The following SLC38A12 variants were observed in gnomAD, a reference collection of about 807,000 sequenced individuals.
SLC38A12 encodes the protein putative sodium-coupled neutral amino acid transporter 12.
At chr17:74,797,285 G>C in the SLC38A12 span, among the ~76,000 whole-genome samples, 1 of 152,118 alleles carries the variant, frequency 6.6e-6, no homozygotes, top group Non-Finnish European at 1.5e-5. Context: ...CTCTCTGACC[G>C]AACAGAAGGA....
chr17:74,801,160 C>T, the SLC38A12 span, among the ~76,000 whole-genome samples: 1 of 152,224 alleles, frequency 6.6e-6, no homozygotes, highest in East Asian at 1.9e-4. Flanking sequence ...GGAAGCCCAT[C>T]TTCTCTCCTT....
the SLC38A12 span, among the ~76,000 whole-genome samples, chr17:74,784,408 C>G: frequency 6.6e-6 from 1 of 152,106 alleles, no homozygotes; most frequent in Non-Finnish European, 1.5e-5. Flanking sequence ...GAACTGTGAT[C>G]TGGAGGGGAA....
At chr17:74,832,604 C>T in the SLC38A12 span, among the ~76,000 whole-genome samples, 1 of 152,258 alleles carries the variant, frequency 6.6e-6, no homozygotes, top group African/African-American at 2.4e-5. Flanking sequence ...AATGACCCAC[C>T]TCTGCTGGGT....
chr17:74,832,540 C>T, the SLC38A12 span, among the ~76,000 whole-genome samples: 1 of 152,246 alleles, frequency 6.6e-6, no homozygotes, highest in Non-Finnish European at 1.5e-5. Context: ...CCATGGCGGC[C>T]TCTCCCCCTC....
the SLC38A12 span, chr17:74,777,218 C>A: frequency 1.6e-6 from 2 of 1,253,674 alleles, no homozygotes; most frequent in South Asian, 2.4e-5. Context: ...CCTCCCACCC[C>A]TGTCTCAGTC....
At chr17:74,805,451 G>T in the SLC38A12 span, among the ~76,000 whole-genome samples, 2 of 152,300 alleles carry the variant, frequency 1.3e-5, no homozygotes, top group South Asian at 4.1e-4. This position sits in a 1 kb window ranked among gnomAD's most constrained non-coding sequence, Gnocchi z 5.0. Context: ...GAAGCTGCTG[G>T]TTGGGGGCTC....
At chr17:74,789,817 C>T in the SLC38A12 span, among the ~76,000 whole-genome samples, 2 of 145,468 alleles carry the variant, frequency 1.4e-5, no homozygotes, top group South Asian at 4.4e-4. Context: ...TGCACTCCAG[C>T]CCAGGCAACA....
At chr17:74,806,669 G>T in the SLC38A12 span, among the ~76,000 whole-genome samples, 1 of 152,078 alleles carries the variant, frequency 6.6e-6, no homozygotes, top group African/African-American at 2.4e-5. Context: ...TCTAGAGCCT[G>T]CCCTAGAAAG....
At chr17:74,813,158 A>G in the SLC38A12 span, among the ~76,000 whole-genome samples, 1 of 152,196 alleles carries the variant, frequency 6.6e-6, no homozygotes, top group African/African-American at 2.4e-5. Context: ...CAGGATGAGA[A>G]CAAAAGCGTC....
the SLC38A12 span, among the ~76,000 whole-genome samples, chr17:74,805,299 G>A: frequency 2.9e-4 from 44 of 152,360 alleles, no homozygotes; most frequent in African/African-American, 9.1e-4. The surrounding 1 kb of genome is among the most constrained non-coding windows in gnomAD (Gnocchi z 5.0). Flanking sequence ...GCCACATCCT[G>A]GAGTCCACAC....
the SLC38A12 span, among the ~76,000 whole-genome samples, chr17:74,803,940 T>G: frequency 6.6e-6 from 1 of 152,346 alleles, no homozygotes; most frequent in African/African-American, 2.4e-5. Flanking sequence ...AATAAAAGTG[T>G]CAAAAAACTC....
chr17:74,838,267 C>T, the SLC38A12 span: 4 of 985,794 alleles, frequency 4.1e-6, no homozygotes, highest in Non-Finnish European at 4.8e-6. Context: ...AACAAATGCC[C>T]CTTCTCCATC....
the SLC38A12 span, among the ~76,000 whole-genome samples, chr17:74,829,088 A>G: frequency 6.6e-6 from 1 of 152,360 alleles, no homozygotes; most frequent in African/African-American, 2.4e-5. The surrounding 1 kb of genome is among the most constrained non-coding windows in gnomAD (Gnocchi z 4.1). Flanking sequence ...GAAAAAAATG[A>G]CAAGTGGGAT....
At chr17:74,780,918 T>C in the SLC38A12 span, among the ~76,000 whole-genome samples, 3 of 152,254 alleles carry the variant, frequency 2.0e-5, no homozygotes, top group Non-Finnish European at 4.4e-5. Context: ...CCTAAGTTTC[T>C]TTTGGGAGCA....
the SLC38A12 span, among the ~76,000 whole-genome samples, chr17:74,825,749 G>A: frequency 1.3e-5 from 2 of 152,250 alleles, no homozygotes; most frequent in Non-Finnish European, 2.9e-5. Context: ...ACTCGTGGTT[G>A]TGGGTCGAGT....
chr17:74,821,053 CAG>C, the SLC38A12 span, among the ~76,000 whole-genome samples: 4 of 152,202 alleles, frequency 2.6e-5, no homozygotes, highest in Non-Finnish European at 5.9e-5. Context: ...CTGTACAGCA[CAG>C]GGGACAGGGT....
At chr17:74,835,294 C>T in the SLC38A12 span, among the ~76,000 whole-genome samples, 1 of 152,212 alleles carries the variant, frequency 6.6e-6, no homozygotes, top group Non-Finnish European at 1.5e-5. Context: ...TATTTCTGCC[C>T]TGGCGTGACC....
chr17:74,807,681 G>A, the SLC38A12 span, among the ~76,000 whole-genome samples: 3 of 152,356 alleles, frequency 2.0e-5, no homozygotes, highest in South Asian at 2.1e-4. Flanking sequence ...GTCCACTGCC[G>A]TGAAGTCACA....
chr17:74,802,232 T>C, the SLC38A12 span, among the ~76,000 whole-genome samples: 1 of 152,196 alleles, frequency 6.6e-6, no homozygotes, highest in Non-Finnish European at 1.5e-5. Context: ...TTGACTGGCA[T>C]TATGCCCACC....
Sources: gnomAD v4.1 joint callset for allele counts (sites outside exome capture counted in the v4.1 genomes callset) on GRCh38, gnomAD v4.1.1 for gene constraint, Gnocchi (gnomAD v3.1) non-coding constraint, MANE v1.5 for transcripts, NCBI Gene and HGNC (gene_info 2026-07-23, HGNC 2026-07-21) for gene names.